PPP1R17: variants seen among roughly 807,000 people sequenced by gnomAD.
The protein encoded by PPP1R17 is G-substrate.
In PPP1R17, 12 loss-of-function variants were observed where a neutral mutation model predicts 15.9. The ratio of observed to expected loss-of-function variants is 0.75; its 90% CI spans 0.48 to 1.22. PPP1R17 has a LOEUF of 1.22. Ranked by LOEUF, PPP1R17 falls within the 50% of genes most tolerant of loss-of-function variation. The probability of loss-of-function intolerance (pLI) is 0.00; values close to 1 mark genes in which losing one functional copy is unlikely to be tolerated. For synonymous variants in PPP1R17, 63 were observed against 64.5 expected, an observed-to-expected ratio of 0.98 and a Z score of 0.11; for missense variants, 211 against 187.3, an observed-to-expected ratio of 1.13 and a Z score of -0.74.
At chr7:31,692,570 G>A (rs1250561049) in intron 2 of PPP1R17, 47 bp downstream of exon 2, 2 of 1,529,722 alleles carry the variant, frequency 1.3e-6, no homozygotes, top group Admixed American at 3.4e-5. Flanking sequence ...AGTCAGAGAA[G>A]AGGCGTCTCA....
chr7:31,694,395 C>CACACACACACACAT (rs1336711822), intron 2 of PPP1R17, among the ~76,000 whole-genome samples: 1 of 151,710 alleles, frequency 6.6e-6, no homozygotes, highest in African/African-American at 2.4e-5. Context: ...CAAACACACA[C>CACACACACACACAT]ACACACACAC....
At chr7:31,688,115 TC>T (rs1792182288) in intron 1 of PPP1R17, among the ~76,000 whole-genome samples, 2 of 152,172 alleles carry the variant, frequency 1.3e-5, no homozygotes, top group South Asian at 4.2e-4. Context: ...TCCAAGAAGG[TC>T]CCTCACACTC....
intron 1 of PPP1R17, among the ~76,000 whole-genome samples, chr7:31,689,969 T>A (rs1035234343): frequency 6.6e-6 from 1 of 152,188 alleles, no homozygotes; most frequent in African/African-American, 2.4e-5. Flanking sequence ...GTTTCTCCCA[T>A]AGACAAGATG....
chr7:31,689,190 G>A (rs1412417679), intron 1 of PPP1R17, among the ~76,000 whole-genome samples: 1 of 152,144 alleles, frequency 6.6e-6, no homozygotes, highest in Non-Finnish European at 1.5e-5. Flanking sequence ...ACGTCCCTGT[G>A]TGAGTGTTAG....
At chr7:31,704,248 C>T (rs1792974227) in intron 4 of PPP1R17, among the ~76,000 whole-genome samples, 1 of 152,160 alleles carries the variant, frequency 6.6e-6, no homozygotes, top group Non-Finnish European at 1.5e-5. Context: ...AGAACTTTCT[C>T]TCTAGTGTGA....
intron 4 of PPP1R17, among the ~76,000 whole-genome samples, chr7:31,705,976 C>A (rs1793049932): frequency 7.4e-6 from 1 of 135,176 alleles, no homozygotes; most frequent in African/African-American, 2.9e-5. Flanking sequence ...CTGAATTTCA[C>A]AGACCAGTAA....
intron 4 of PPP1R17, among the ~76,000 whole-genome samples, chr7:31,706,168 C>T (rs1039104829): frequency 6.6e-6 from 1 of 151,580 alleles, no homozygotes; most frequent in African/African-American, 2.4e-5. Flanking sequence ...CCATGCCTGG[C>T]TAATTTTTGT....
chr7:31,702,934 G>A (rs951709643), intron 4 of PPP1R17, among the ~76,000 whole-genome samples: 2 of 152,142 alleles, frequency 1.3e-5, no homozygotes, highest in Non-Finnish European at 2.9e-5. Flanking sequence ...ATATTTATGG[G>A]CAGGGAGTCA....
At chr7:31,695,417 G>A (rs1792535361) in intron 2 of PPP1R17, 52 bp from the exon 3 acceptor site, 2 of 1,514,094 alleles carry the variant, frequency 1.3e-6, no homozygotes, top group East Asian at 4.6e-5. Context: ...GTTTGTGACT[G>A]GATCCTTAAT....
At chr7:31,696,385 C>T (rs1446142667) in intron 3 of PPP1R17, among the ~76,000 whole-genome samples, 1 of 152,184 alleles carries the variant, frequency 6.6e-6, no homozygotes, top group Non-Finnish European at 1.5e-5. Context: ...GAAGTGACAT[C>T]ATAAGGGAGT....
intron 4 of PPP1R17, among the ~76,000 whole-genome samples, chr7:31,706,705 T>C (rs1793084047): frequency 6.6e-6 from 1 of 152,204 alleles, no homozygotes; most frequent in Non-Finnish European, 1.5e-5. Flanking sequence ...CGAGCAAATA[T>C]TGAAAGGACA....
chr7:31,697,154 T>G, intron 4 of PPP1R17, 37 bp downstream of exon 4: 1 of 1,609,544 alleles, frequency 6.2e-7, no homozygotes, highest in Non-Finnish European at 8.5e-7. Context: ...CAGGGGGTGA[T>G]GGGGACAGGT....
intron 1 of PPP1R17, among the ~76,000 whole-genome samples, chr7:31,692,132 T>G (rs993990498): frequency 6.6e-6 from 1 of 152,172 alleles, no homozygotes; most frequent in Non-Finnish European, 1.5e-5. Context: ...TCTGAAACTC[T>G]CAATGTGTCT....
intron 4 of PPP1R17, 148 bp from the exon 5 acceptor site, chr7:31,707,056 T>A: frequency 1.6e-6 from 1 of 613,360 alleles, no homozygotes; most frequent in Non-Finnish European, 2.7e-6. Flanking sequence ...ACCCAGCTCC[T>A]TCTCTGGGTT....
chr7:31,705,086 G>A (rs1793009390), intron 4 of PPP1R17, among the ~76,000 whole-genome samples: 1 of 152,120 alleles, frequency 6.6e-6, no homozygotes, highest in Non-Finnish European at 1.5e-5. Context: ...TAAAATGCTG[G>A]TTCACCCTCT....
At position 31,707,325 on chromosome 7, in the gene PPP1R17, T is replaced by C. The variant is rs1471711078; in HGVS notation, c.*42T>C. ...ACCACTTGTAAATAGGTTAGATTGGTTCCCTGTGGTGACCTAGAGAAAAAA... is the reference window on the plus strand; with the variant it reads ...ACCACTTGTAAATAGGTTAGATTGGCTCCCTGTGGTGACCTAGAGAAAAAA... On this transcript the variant is annotated 3_prime_UTR_variant, in exon 5 of 5. Transcript: ENST00000342032. 1 of 1,534,098 alleles carries C rather than the reference T, an allele frequency of 6.5e-7. No homozygotes were observed. Among genetic ancestry groups the C allele is most frequent in the Non-Finnish European group, 9.0e-7 (1 of 1,116,636 alleles).
At chr7:31,689,581 C>T (rs1439250999) in intron 1 of PPP1R17, among the ~76,000 whole-genome samples, 2 of 152,180 alleles carry the variant, frequency 1.3e-5, no homozygotes, top group East Asian at 3.9e-4. Flanking sequence ...TAGACCGGCT[C>T]ATGTCTTAAA....
In PPP1R17 at chr7:31,692,267, T is replaced by C. The variant is rs1211800546; in HGVS notation, c.-36-139T>C. 7.2e-6 allele frequency: 4 copies of C among 556,880 alleles called. No homozygotes were observed. The Admixed American group carries it at 1.4e-4, about 20-fold the overall frequency. 34.5% of individuals were successfully genotyped at this position (556,880 alleles called of 1,614,324 possible). ...AAGTTTAGAGTTTCTAATAGCCAAG[T>C]TTAAGAAGCACACATAAAGAAACAG... On this transcript the variant is annotated intron_variant, in intron 1 of 4. Transcript: ENST00000342032.
chr7:31,692,536 T>C lies in PPP1R17; in HGVS notation c.82+13T>C. 6.3e-7 allele frequency: 1 copy of C among 1,580,106 alleles called. No individual in the cohort carries two copies. The highest frequency in any genetic ancestry group is 8.7e-7 in the Non-Finnish European group (1 of 1,149,442). ...TGCAGCCACTTAGGTAAACAAATGATCGATTGTGAATGTCAGTGGTGGAAG... is the reference window on the plus strand; with the variant it reads ...TGCAGCCACTTAGGTAAACAAATGACCGATTGTGAATGTCAGTGGTGGAAG... On this transcript the variant is annotated intron_variant, in intron 2 of 4. Coordinates refer to ENST00000342032, the MANE Select transcript of PPP1R17 (RefSeq NM_006658.5).
Sources: allele counts gnomAD v4.1 joint callset (sites outside exome capture counted in the v4.1 genomes callset), GRCh38; gene constraint gnomAD v4.1.1; transcripts MANE v1.5; gene names NCBI Gene and HGNC (gene_info 2026-07-23, HGNC 2026-07-21).